The following MCU variants were observed in gnomAD, a reference collection of about 807,000 sequenced individuals.
MCU encodes the protein calcium uniporter protein, mitochondrial.
A neutral mutation model predicts 45.2 loss-of-function variants in MCU; 12 were observed. The observed-to-expected ratio is 0.27, with a 90% CI of 0.17 to 0.43. The LOEUF is 0.43. Among genes scored for constraint, MCU ranks in the 20% least tolerant of loss-of-function variants. The pLI is 1.00. For missense variants in MCU, 324 were observed against 436.7 expected (o/e 0.74, Z 2.30); for synonymous variants, 160 against 165.1 (o/e 0.97, Z 0.24).
intron 5 of MCU, among the ~76,000 whole-genome samples, chr10:72,870,048 T>C (rs1845516347): frequency 6.6e-6 from 1 of 152,144 alleles, no homozygotes; most frequent in Non-Finnish European, 1.5e-5. Flanking sequence ...AGTACAGTAG[T>C]CGGGTTATGA....
chr10:72,810,497 C>T (rs1042652829), intron 1 of MCU, among the ~76,000 whole-genome samples: 35 of 106,378 alleles, frequency 3.3e-4, no homozygotes, highest in African/African-American at 1.3e-3. Context: ...GACGGAGTTT[C>T]GCTCTTGTTG....
intron 2 of MCU, among the ~76,000 whole-genome samples, chr10:72,847,111 A>G (rs1336320232): frequency 3.9e-5 from 6 of 152,216 alleles, no homozygotes; most frequent in Non-Finnish European, 8.8e-5. Flanking sequence ...AACAGGGACT[A>G]CAGGCACACG....
At chr10:72,723,730 G>A (rs1038852582) in intron 1 of MCU, among the ~76,000 whole-genome samples, 3 of 152,106 alleles carry the variant, frequency 2.0e-5, no homozygotes, top group East Asian at 1.9e-4. Flanking sequence ...TGCTTGCAAC[G>A]TGCTTTTCAA....
intron 6 of MCU, 126 bp downstream of exon 6, chr10:72,871,706 C>CTGTAG: frequency 2.7e-6 from 2 of 727,736 alleles, no homozygotes; most frequent in East Asian, 5.3e-5. Flanking sequence ...CATACACACA[C>CTGTAG]ATGTGCCACT....
At chr10:72,715,044 C>A in intron 1 of MCU, 1 of 296,546 alleles carries the variant, frequency 3.4e-6, no homozygotes, top group Non-Finnish European at 5.0e-6. Flanking sequence ...TGCTGAGGTA[C>A]CCACATTAGC....
At chr10:72,764,162 A>G (rs1005662022) in intron 1 of MCU, among the ~76,000 whole-genome samples, 3 of 152,152 alleles carry the variant, frequency 2.0e-5, no homozygotes, top group Non-Finnish European at 2.9e-5. Context: ...TGTGGCTTTC[A>G]GTTCCACTAA....
At chr10:72,881,293 A>T (rs1286325273) in intron 6 of MCU, among the ~76,000 whole-genome samples, 3 of 152,298 alleles carry the variant, frequency 2.0e-5, no homozygotes, top group Non-Finnish European at 2.9e-5. Flanking sequence ...TAGGTAATGT[A>T]TAGCTATTCT....
chr10:72,735,116 A>ATTT (rs11443574), intron 1 of MCU, among the ~76,000 whole-genome samples: 62 of 146,632 alleles, frequency 4.2e-4, no homozygotes, highest in African/African-American at 1.4e-3. Context: ...ATGTATCAGA[A>ATTT]TTTTTTTTTT....
chr10:72,716,607 G>A (rs1187137339), intron 1 of MCU, among the ~76,000 whole-genome samples: 2 of 152,048 alleles, frequency 1.3e-5, no homozygotes, highest in Non-Finnish European at 2.9e-5. Flanking sequence ...TTATAGGCTG[G>A]GCGTGGTAGC....
At chr10:72,780,971 TA>T (rs1250709638) in intron 1 of MCU, among the ~76,000 whole-genome samples, 2 of 152,204 alleles carry the variant, frequency 1.3e-5, no homozygotes, top group African/African-American at 2.4e-5. Flanking sequence ...CTGACTGACA[TA>T]TAGAGAATTT....
chr10:72,789,959 A>G (rs1055418407), intron 1 of MCU, among the ~76,000 whole-genome samples: 2 of 152,166 alleles, frequency 1.3e-5, no homozygotes, highest in Non-Finnish European at 2.9e-5. Flanking sequence ...AAGACCTTCA[A>G]AAGGATGGCA....
chr10:72,714,699 C>T (rs1361947214), intron 1 of MCU, among the ~76,000 whole-genome samples: 1 of 151,922 alleles, frequency 6.6e-6, no homozygotes, highest in African/African-American at 2.4e-5. Flanking sequence ...CATGCAACAC[C>T]ACGCTGGGCA....
chr10:72,741,046 A>G (rs1843321792), intron 1 of MCU, among the ~76,000 whole-genome samples: 1 of 151,998 alleles, frequency 6.6e-6, no homozygotes, highest in Non-Finnish European at 1.5e-5. Context: ...TCTCAGATAC[A>G]ATAGTTAATG....
At chr10:72,721,553 A>T (rs562154295) in intron 1 of MCU, among the ~76,000 whole-genome samples, 1 of 152,128 alleles carries the variant, frequency 6.6e-6, no homozygotes, top group South Asian at 2.1e-4. Context: ...ACATGCACCT[A>T]CCTCATAGGA....
At chr10:72,885,319 A>G (rs1324427776) in intron 7 of MCU, among the ~76,000 whole-genome samples, 2 of 152,338 alleles carry the variant, frequency 1.3e-5, no homozygotes, top group East Asian at 3.9e-4. Flanking sequence ...CGCTGTTCCA[A>G]AATTCACTGG....
chr10:72,697,341 TC>T (rs1842701293), intron 1 of MCU, among the ~76,000 whole-genome samples: 1 of 151,696 alleles, frequency 6.6e-6, no homozygotes, highest in African/African-American at 2.4e-5. Flanking sequence ...GGTCTCGAAC[TC>T]CTGGCCTCGG....
intron 1 of MCU, among the ~76,000 whole-genome samples, chr10:72,829,179 G>A (rs913266831): frequency 3.9e-5 from 6 of 151,902 alleles, no homozygotes; most frequent in African/African-American, 9.7e-5. Context: ...AAAATTAGCC[G>A]GGTATGGTTG....
chr10:72,800,938 A>G (rs1184327407), intron 1 of MCU, among the ~76,000 whole-genome samples: 3 of 152,180 alleles, frequency 2.0e-5, no homozygotes, highest in African/African-American at 7.2e-5. Flanking sequence ...GTCTCTACAA[A>G]AAAATTAAAA....
chr10:72,755,449 G>A (rs1843561621), intron 1 of MCU, among the ~76,000 whole-genome samples: 1 of 152,082 alleles, frequency 6.6e-6, no homozygotes, highest in Admixed American at 6.6e-5. Context: ...CACCTGGCCA[G>A]CTTGGGCAAT....
Sources: allele counts gnomAD v4.1 joint callset (sites outside exome capture counted in the v4.1 genomes callset), GRCh38; gene constraint gnomAD v4.1.1; transcripts MANE v1.5; gene names NCBI Gene and HGNC (gene_info 2026-07-23, HGNC 2026-07-21).